RUNX1T1: variants seen among roughly 807,000 people sequenced by gnomAD.
The protein encoded by RUNX1T1 is protein CBFA2T1.
RUNX1T1 carries 4 observed loss-of-function variants against 62.8 expected under a neutral mutation model. The observed-to-expected ratio is 0.06, with a 90% CI of 0.03 to 0.15. The LOEUF (loss-of-function observed/expected upper bound fraction) is 0.15. Among genes scored for constraint, RUNX1T1 ranks in the 10% least tolerant of loss-of-function variants. RUNX1T1 has a pLI of 1.00. For synonymous variants in RUNX1T1, 291 were observed against 286.0 expected (o/e 1.02, Z -0.18); for missense variants, 508 against 754.3 (o/e 0.67, Z 3.82).
chr8:92,011,553 T>C (rs1821933279), intron 3 of RUNX1T1, among the ~76,000 whole-genome samples: 1 of 152,234 alleles, frequency 6.6e-6, no homozygotes, highest in African/African-American at 2.4e-5. Context: ...CTCCTCCTCC[T>C]GTATTTCCAT....
intron 1 of RUNX1T1, chr8:92,095,048 T>C (rs1351443379): frequency 6.5e-7 from 1 of 1,535,580 alleles, no homozygotes; most frequent in South Asian, 1.2e-5. Flanking sequence ...CCTGTCTGGA[T>C]AGCAGAGGTG....
exon 7 of RUNX1T1, chr8:91,986,931 G>T: frequency 6.2e-7 from 1 of 1,612,282 alleles, no homozygotes; most frequent in Non-Finnish European, 8.5e-7. Flanking sequence ...CTGTCTGTTA[G>T]TCTGTGATCA....
chr8:91,961,210 G>C (rs182551008), intron 10 of RUNX1T1, among the ~76,000 whole-genome samples: 3 of 152,336 alleles, frequency 2.0e-5, no homozygotes, highest in Admixed American at 6.5e-5. Context: ...GAAGCACCCA[G>C]AATGGGTGCC....
chr8:92,046,183 T>C (rs957142799), intron 1 of RUNX1T1, among the ~76,000 whole-genome samples: 2 of 152,124 alleles, frequency 1.3e-5, no homozygotes, highest in Non-Finnish European at 1.5e-5. Context: ...AATATGTTCA[T>C]GGATACTAGT....
chr8:92,069,458 T>G (rs556098062), intron 2 of RUNX1T1, among the ~76,000 whole-genome samples: 1 of 152,114 alleles, frequency 6.6e-6, no homozygotes, highest in Non-Finnish European at 1.5e-5. Flanking sequence ...TTCACAGGAC[T>G]TTCATCTCTA....
At chr8:92,038,418 AAGG>A (rs554438739) in intron 1 of RUNX1T1, among the ~76,000 whole-genome samples, 25 of 152,302 alleles carry the variant, frequency 1.6e-4, no homozygotes, top group African/African-American at 4.6e-4. Flanking sequence ...GAAAAGAAAC[AAGG>A]AGATGTCATT....
intron 1 of RUNX1T1, among the ~76,000 whole-genome samples, chr8:92,041,819 G>GTT (rs578249455): frequency 7.9e-5 from 11 of 138,650 alleles, no homozygotes; most frequent in African/African-American, 1.3e-4. Context: ...GAAGGGGTGG[G>GTT]TTTTTTTTTT....
chr8:91,980,571 T>G (rs1046503008), intron 8 of RUNX1T1, among the ~76,000 whole-genome samples: 3 of 152,236 alleles, frequency 2.0e-5, no homozygotes, highest in African/African-American at 7.2e-5. Flanking sequence ...AAAATACTTA[T>G]GAATCCACTG....
intron 4 of RUNX1T1, among the ~76,000 whole-genome samples, chr8:92,006,940 T>C (rs747920675): frequency 1.3e-5 from 2 of 152,156 alleles, no homozygotes; most frequent in Non-Finnish European, 2.9e-5. Flanking sequence ...GGATATTTGC[T>C]AAAGATAAAT....
rs982347290 is a variant in RUNX1T1, at chr8:92,086,692, G to GT, written c.-85-10556dup. ...AGCTGCCTCTAAACAAACACCTGAA[G>GT]TGAGTCCCAGCTTCTGGCAAGTTAA... On this transcript the variant is annotated intron_variant, in intron 1 of 11. Coordinates refer to the RUNX1T1 transcript ENST00000265814. Among the ~76,000 whole-genome samples, 14 of 152,282 alleles carry GT rather than the reference G, an allele frequency of 9.2e-5. No individual in the cohort carries two copies. In the South Asian group the frequency reaches 1.5e-3, roughly 16 times the overall value.
intron 1 of RUNX1T1, among the ~76,000 whole-genome samples, chr8:92,089,685 T>C (rs1836677648): frequency 1.3e-5 from 2 of 151,970 alleles, no homozygotes; most frequent in African/African-American, 4.8e-5. Flanking sequence ...ACTCTTTAGT[T>C]CCCTCCTCAC....
chr8:92,007,070 T>G (rs185890416), intron 4 of RUNX1T1, among the ~76,000 whole-genome samples: 1 of 152,252 alleles, frequency 6.6e-6, no homozygotes, highest in Non-Finnish European at 1.5e-5. Flanking sequence ...TTTTTTAAAC[T>G]ATTTTTTGTC....
chr8:92,047,234 A>G (rs1036674983), intron 1 of RUNX1T1, among the ~76,000 whole-genome samples: 3 of 151,850 alleles, frequency 2.0e-5, no homozygotes, highest in Non-Finnish European at 4.4e-5. Flanking sequence ...AATCCACACC[A>G]CACTCTACCC....
chr8:91,996,423 G>A (rs1388650680), intron 5 of RUNX1T1, among the ~76,000 whole-genome samples: 2 of 152,076 alleles, frequency 1.3e-5, no homozygotes, highest in African/African-American at 2.4e-5. Flanking sequence ...GGATGGTCTC[G>A]ATATCCTGAC....
At chr8:92,034,524 G>A (rs763321195) in intron 1 of RUNX1T1, among the ~76,000 whole-genome samples, 45 of 151,832 alleles carry the variant, frequency 3.0e-4, no homozygotes, top group Non-Finnish European at 1.5e-4. Context: ...AATTGAGAAC[G>A]AAAGATATGC....
chr8:92,036,630 G>A (rs1338588837), intron 1 of RUNX1T1, among the ~76,000 whole-genome samples: 2 of 152,124 alleles, frequency 1.3e-5, no homozygotes, highest in South Asian at 4.1e-4. Context: ...CCTCCGGAAG[G>A]TTTCTGAAGC....
At chr8:91,962,276 A>AAAG (rs1810639000) in intron 10 of RUNX1T1, among the ~76,000 whole-genome samples, 1 of 152,142 alleles carries the variant, frequency 6.6e-6, no homozygotes, top group African/African-American at 2.4e-5. Context: ...AACAGAAATA[A>AAAG]AAAAGAAATT....
intron 1 of RUNX1T1, among the ~76,000 whole-genome samples, chr8:92,093,098 A>T (rs1399844269): frequency 6.6e-6 from 1 of 152,184 alleles, no homozygotes; most frequent in Non-Finnish European, 1.5e-5. Flanking sequence ...CTGAAAATTT[A>T]CACATGGCTT....
At position 92,001,960 on chromosome 8, in the gene RUNX1T1, G is replaced by A. The variant is rs541537580; in HGVS notation, c.659+3156C>T. Among the ~76,000 whole-genome samples the A allele has an allele frequency of 9.2e-5, 14 of 152,194 alleles. No homozygotes were observed. In the East Asian group the frequency reaches 1.2e-3, roughly 13 times the overall value. ...TGCTTGTGTCTTTACGAGTCACCAC[G>A]GTGAGCAGTTTTAAAGAGGGCTCTT... is the stretch of plus-strand genomic sequence containing the variant. On this transcript the variant is annotated intron_variant, in intron 5 of 10. Transcript: ENST00000396218.
Sources: gnomAD v4.1 joint callset for allele counts (sites outside exome capture counted in the v4.1 genomes callset) on GRCh38, gnomAD v4.1.1 for gene constraint, MANE v1.5 for transcripts, NCBI Gene and HGNC (gene_info 2026-07-23, HGNC 2026-07-21) for gene names.